The following FRMD5 variants were observed in gnomAD, a reference collection of about 807,000 sequenced individuals.
The protein encoded by FRMD5 is FERM domain containing 5.
FRMD5 carries 20 observed loss-of-function variants against 69.0 expected under a neutral mutation model. The observed-to-expected ratio is 0.29, with a 90% confidence interval of 0.20 to 0.42. The LOEUF is 0.42. FRMD5 is among the 10% of genes least tolerant of loss of function. The pLI is 1.00. For synonymous variants in FRMD5, 271 were observed against 260.1 expected (o/e 1.04, Z -0.40); for missense variants, 595 against 708.6 (o/e 0.84, Z 1.82).
chr15:44,022,394 A>G (rs1352288773), intron 1 of FRMD5, among the ~76,000 whole-genome samples: 2 of 151,248 alleles, frequency 1.3e-5, no homozygotes, highest in African/African-American at 2.4e-5. Context: ...GTGAAACACC[A>G]TCTCTACTAA....
At chr15:44,116,655 C>G (rs1321533226) in intron 1 of FRMD5, among the ~76,000 whole-genome samples, 1 of 152,202 alleles carries the variant, frequency 6.6e-6, no homozygotes, top group Admixed American at 6.5e-5. Flanking sequence ...TCAGCACTAT[C>G]TCCTTTATGC....
intron 1 of FRMD5, among the ~76,000 whole-genome samples, chr15:44,076,417 T>G (rs1319292916): frequency 6.8e-6 from 1 of 147,310 alleles, no homozygotes; most frequent in Non-Finnish European, 1.5e-5. Flanking sequence ...ATGTGGCACA[T>G]ATACACCATG....
At chr15:43,906,790 A>C (rs1372430273) in intron 5 of FRMD5, among the ~76,000 whole-genome samples, 1 of 138,620 alleles carries the variant, frequency 7.2e-6, no homozygotes, top group African/African-American at 3.4e-5. Context: ...TTTAGTAGAG[A>C]CGGGGTTTCA....
rs2088594373 is a variant in FRMD5, at chr15:43,883,770, G to C, written c.1068C>G (p.Thr356=). ...GGACGCTGCTCAGCCTTGGGCCATG[G>C]GTTATGGAGGGACAGCTCCGGCTGG... ...MVPSRSCPSI[T]HGPRLSSVPR... Residue 356 remains threonine (T), a synonymous_variant, in exon 13 of 14, where the codon ACC becomes ACG. Transcript: ENST00000417257. 1 of 1,614,050 alleles carries C rather than the reference G, an allele frequency of 6.2e-7. No individual in the cohort carries two copies. Among genetic ancestry groups the C allele is most frequent in the South Asian group, 1.1e-5 (1 of 91,074 alleles).
intron 1 of FRMD5, among the ~76,000 whole-genome samples, chr15:44,044,269 CAAG>C (rs747414088): frequency 7.2e-5 from 11 of 152,136 alleles, no homozygotes; most frequent in Non-Finnish European, 1.5e-4. Context: ...AGTCAGGAAA[CAAG>C]AGATGCTGGA....
At chr15:44,178,339 T>C (rs12148642) in intron 1 of FRMD5, among the ~76,000 whole-genome samples, 4 of 151,578 alleles carry the variant, frequency 2.6e-5, no homozygotes, top group African/African-American at 4.9e-5. Flanking sequence ...ATAAATAAAA[T>C]AAAAAAATTA....
intron 1 of FRMD5, among the ~76,000 whole-genome samples, chr15:44,051,350 C>T (rs1163760017): frequency 1.4e-5 from 2 of 146,786 alleles, no homozygotes; most frequent in Non-Finnish European, 3.0e-5. Context: ...CGGGGTTTTA[C>T]CAGGAGTTGA....
intron 1 of FRMD5, among the ~76,000 whole-genome samples, chr15:44,161,324 T>C (rs2077613476): frequency 6.6e-6 from 1 of 152,202 alleles, no homozygotes; most frequent in Admixed American, 6.5e-5. Flanking sequence ...GTGTCCTGCC[T>C]GCACCTCTGA....
chr15:44,131,780 G>A (rs918490540), intron 1 of FRMD5, among the ~76,000 whole-genome samples: 50 of 152,388 alleles, frequency 3.3e-4, no homozygotes, highest in African/African-American at 1.2e-3. Flanking sequence ...GGTTGCCAGA[G>A]TGTGGTGGGA....
intron 1 of FRMD5, among the ~76,000 whole-genome samples, chr15:43,971,078 A>G (rs2090368910): frequency 6.6e-6 from 1 of 151,916 alleles, no homozygotes; most frequent in Non-Finnish European, 1.5e-5. Flanking sequence ...AAAACAAAAC[A>G]AAACAAAACA....
At chr15:44,129,765 T>G (rs2077072913) in intron 1 of FRMD5, among the ~76,000 whole-genome samples, 1 of 151,994 alleles carries the variant, frequency 6.6e-6, no homozygotes, top group South Asian at 2.1e-4. Context: ...GGAAGAGCCT[T>G]TTCCTCTCCA....
chr15:44,042,661 G>A (rs1892252050), intron 1 of FRMD5, among the ~76,000 whole-genome samples: 1 of 152,124 alleles, frequency 6.6e-6, no homozygotes, highest in South Asian at 2.1e-4. Context: ...CACATAAACA[G>A]AACCAATAAC....
chr15:44,138,893 A>G (rs2077224656), intron 1 of FRMD5, among the ~76,000 whole-genome samples: 1 of 152,222 alleles, frequency 6.6e-6, no homozygotes, highest in Non-Finnish European at 1.5e-5. Flanking sequence ...CAGAATAGAC[A>G]AATCTAAAGA....
chr15:43,958,586 C>T (rs948099147), intron 1 of FRMD5, among the ~76,000 whole-genome samples: 1 of 152,068 alleles, frequency 6.6e-6, no homozygotes, highest in Non-Finnish European at 1.5e-5. Context: ...GTGTGTGTCA[C>T]CATGTCTGGC....
rs762261919 is a variant in FRMD5 at position 43,986,241 on chromosome 15, GC to G, written c.103-61933del. ...AGTTAATGCACAAACAACAAAGTGT[GC>G]GGTGGGGTTGCCTCCTTGTCTTCCA... On this transcript the variant is annotated intron_variant, in intron 1 of 13. Coordinates refer to ENST00000417257, the MANE Select transcript of FRMD5 (RefSeq NM_032892.5). Among the ~76,000 whole-genome samples the G allele has an allele frequency of 2.0e-5, 3 of 152,218 alleles. No individual in the cohort carries two copies. In the South Asian group the frequency reaches 6.2e-4, roughly 32 times the overall value.
chr15:44,087,105 G>A (rs1020272944), intron 1 of FRMD5, among the ~76,000 whole-genome samples: 4 of 152,028 alleles, frequency 2.6e-5, no homozygotes, highest in East Asian at 1.9e-4. Flanking sequence ...TGCAACTTTC[G>A]TCTCCCAGGT....
chr15:43,976,700 C>T (rs2090468193), intron 1 of FRMD5, among the ~76,000 whole-genome samples: 1 of 152,130 alleles, frequency 6.6e-6, no homozygotes, highest in African/African-American at 2.4e-5. Flanking sequence ...GAGTTTTGCT[C>T]TTGTCGCCCA....
chr15:43,873,722 T>C lies in FRMD5; in HGVS notation c.*163A>G. On this transcript the variant is annotated 3_prime_UTR_variant, in exon 14 of 14. Transcript: ENST00000417257. ...TTTAGACAGGGCATGAGCCTATCCC[T>C]TTCTTCTTCTGGGAAACACCCTCCT... The C allele has an allele frequency of 6.6e-7, 1 of 1,513,022 alleles. No individual in the cohort carries two copies. The highest frequency in any genetic ancestry group is 8.8e-7 in the Non-Finnish European group (1 of 1,139,334). The allele number at this position is 1,513,022 out of a possible 1,614,324, so 93.7% of individuals were successfully genotyped here. A position where few individuals can be genotyped will look rare whatever the true frequency, so the allele number is the denominator to read the frequency against.
At chr15:44,076,828 G>A (rs1893792006) in intron 1 of FRMD5, among the ~76,000 whole-genome samples, 1 of 151,538 alleles carries the variant, frequency 6.6e-6, no homozygotes, top group East Asian at 1.9e-4. Context: ...GAGGCTTTCT[G>A]GTCTCCAGAC....
Sources: allele counts gnomAD v4.1 joint callset (sites outside exome capture counted in the v4.1 genomes callset), GRCh38; gene constraint gnomAD v4.1.1; transcripts MANE v1.5; gene names NCBI Gene and HGNC (gene_info 2026-07-23, HGNC 2026-07-21).